OPCML: variants seen among roughly 807,000 people sequenced by gnomAD.
OPCML encodes opioid binding protein/cell adhesion molecule like.
OPCML carries 13 observed loss-of-function variants against 37.8 expected under a neutral mutation model. The observed-to-expected ratio is 0.34, with a 90% CI of 0.22 to 0.55. The LOEUF is 0.55. OPCML is among the 20% of genes least tolerant of loss of function. The pLI is 0.91. For synonymous variants in OPCML, 176 were observed against 168.8 expected, an observed-to-expected ratio of 1.04 and a Z score of -0.33; for missense variants, 341 against 435.6, an observed-to-expected ratio of 0.78 and a Z score of 1.93.
chr11:133,514,801 T>C (rs968092210), intron 1 of OPCML, among the ~76,000 whole-genome samples: 1 of 152,208 alleles, frequency 6.6e-6, no homozygotes, highest in African/African-American at 2.4e-5. Flanking sequence ...CTCTCACTCC[T>C]GTGTACCCTC....
At position 133,034,308 on chromosome 11, in the gene OPCML, G is replaced by GGTGTGTGTGTGTGTGTGTGT. The variant is rs71038514; in HGVS notation, c.62-91318_62-91299dup. 5.9e-4 allele frequency among the ~76,000 whole-genome samples: 85 copies of GGTGTGTGTGTGTGTGTGTGT among 143,534 alleles called. 1 individual carries two copies. Among genetic ancestry groups the GGTGTGTGTGTGTGTGTGTGT allele is most frequent in the African/African-American group, 1.9e-3 (74 of 38,132 alleles). The allele number at this position is 143,534 out of a possible 152,430, so 94.2% of individuals were successfully genotyped here. On this transcript the variant is annotated intron_variant, in intron 1 of 7. Transcript: ENST00000524381. ...CCAGAAGAGTAGCTCTGTATGTATA[G>GGTGTGTGTGTGTGTGTGTGT]GTGTGTGTGTGTGTGTGTGTGTGTG... is the stretch of plus-strand genomic sequence containing the variant.
At chr11:133,242,271 G>C (rs1940759426) in intron 1 of OPCML, among the ~76,000 whole-genome samples, 1 of 152,132 alleles carries the variant, frequency 6.6e-6, no homozygotes, top group African/African-American at 2.4e-5. Flanking sequence ...CTTCAGAGCG[G>C]CAAAGTGATA....
At chr11:133,196,744 T>C (rs1030543808) in intron 1 of OPCML, among the ~76,000 whole-genome samples, 1 of 152,188 alleles carries the variant, frequency 6.6e-6, no homozygotes, top group African/African-American at 2.4e-5. Context: ...AAGACTAATC[T>C]GCGAGCCAAG....
chr11:132,618,540 T>C (rs1360977931), intron 3 of OPCML, among the ~76,000 whole-genome samples: 1 of 152,106 alleles, frequency 6.6e-6, no homozygotes, highest in Non-Finnish European at 1.5e-5. Context: ...CCCACTTCTT[T>C]TCACCTTCAC....
intron 1 of OPCML, among the ~76,000 whole-genome samples, chr11:133,398,211 T>C (rs929167096): frequency 2.0e-5 from 3 of 152,198 alleles, no homozygotes; most frequent in Non-Finnish European, 2.9e-5. Flanking sequence ...GCAATTAAGA[T>C]TTATTTCAGT....
At chr11:132,689,478 T>C (rs1943314926) in intron 2 of OPCML, among the ~76,000 whole-genome samples, 1 of 152,168 alleles carries the variant, frequency 6.6e-6, no homozygotes, top group Admixed American at 6.5e-5. Context: ...CTAAGGGTAT[T>C]AGAAAAGAAA....
intron 1 of OPCML, among the ~76,000 whole-genome samples, chr11:132,971,437 A>T (rs1401512029): frequency 6.6e-6 from 1 of 152,148 alleles, no homozygotes; most frequent in East Asian, 1.9e-4. Flanking sequence ...CTCCCTGCAA[A>T]CACAGCCTTT....
chr11:133,387,141 T>A (rs1945073031), intron 1 of OPCML, among the ~76,000 whole-genome samples: 1 of 152,174 alleles, frequency 6.6e-6, no homozygotes, highest in Non-Finnish European at 1.5e-5. Flanking sequence ...AACAAAGGAC[T>A]ATTTTTGACT....
chr11:133,530,008 C>A (rs1240941307), intron 1 of OPCML, among the ~76,000 whole-genome samples: 1 of 152,154 alleles, frequency 6.6e-6, no homozygotes, highest in African/African-American at 2.4e-5. Context: ...ATAAGAGTAG[C>A]CCTCAAAGCA....
intron 2 of OPCML, among the ~76,000 whole-genome samples, chr11:132,764,405 G>A (rs1946369543): frequency 6.6e-6 from 1 of 152,154 alleles, no homozygotes; most frequent in South Asian, 2.1e-4. Context: ...CCTAAGATTG[G>A]TGGCATTCCC....
intron 1 of OPCML, among the ~76,000 whole-genome samples, chr11:133,519,905 C>T (rs1395677059): frequency 1.3e-5 from 2 of 152,204 alleles, no homozygotes; most frequent in East Asian, 3.8e-4. Flanking sequence ...GCTTCTGCTG[C>T]ATGTGAGACA....
At chr11:133,267,811 C>T (rs1392255377) in intron 1 of OPCML, among the ~76,000 whole-genome samples, 1 of 152,100 alleles carries the variant, frequency 6.6e-6, no homozygotes, top group Admixed American at 6.6e-5. Context: ...TTATAAAGGG[C>T]AGTTCTCCTG....
intron 1 of OPCML, among the ~76,000 whole-genome samples, chr11:132,970,346 A>T (rs1390635470): frequency 6.6e-6 from 1 of 152,202 alleles, no homozygotes; most frequent in Non-Finnish European, 1.5e-5. Flanking sequence ...GTGTGTTTGA[A>T]TATGGAGAAT....
chr11:133,209,120 T>C (rs1486141734), intron 1 of OPCML, among the ~76,000 whole-genome samples: 3 of 152,224 alleles, frequency 2.0e-5, no homozygotes, highest in Non-Finnish European at 2.9e-5. Flanking sequence ...TGTGCCATTA[T>C]ATCGCTTAAT....
chr11:132,728,533 A>AT (rs1450284841), intron 2 of OPCML, among the ~76,000 whole-genome samples: 9 of 151,990 alleles, frequency 5.9e-5, no homozygotes, highest in Non-Finnish European at 4.4e-5. Flanking sequence ...TCTCTCTAGC[A>AT]TTTTTTTTAA....
intron 6 of OPCML, 171 bp downstream of exon 6, chr11:132,436,488 G>T: frequency 1.1e-6 from 1 of 934,224 alleles, no homozygotes; most frequent in Non-Finnish European, 1.3e-6. Context: ...CCACTTCCCA[G>T]CCTCCTCCAT....
intron 3 of OPCML, among the ~76,000 whole-genome samples, chr11:132,566,866 A>C (rs941398042): frequency 1.3e-5 from 2 of 152,162 alleles, no homozygotes; most frequent in Non-Finnish European, 2.9e-5. Context: ...ATAGTGATGA[A>C]GGATATTGGA....
At chr11:133,029,101 G>C (rs920986349) in intron 1 of OPCML, among the ~76,000 whole-genome samples, 1 of 152,096 alleles carries the variant, frequency 6.6e-6, no homozygotes, top group African/African-American at 2.4e-5. Context: ...GCACCAACAA[G>C]CATATGAAAA....
intron 2 of OPCML, among the ~76,000 whole-genome samples, chr11:132,833,964 T>C (rs912248897): frequency 2.6e-5 from 4 of 152,236 alleles, no homozygotes; most frequent in African/African-American, 4.8e-5. Context: ...AAAGTATTAA[T>C]AGTTTAGAAC....
Sources: gnomAD v4.1 joint callset for allele counts (sites outside exome capture counted in the v4.1 genomes callset) on GRCh38, gnomAD v4.1.1 for gene constraint, MANE v1.5 for transcripts, NCBI Gene and HGNC (gene_info 2026-07-23, HGNC 2026-07-21) for gene names.